The following CNTNAP5 variants were observed in gnomAD, a reference collection of about 807,000 sequenced individuals.
CNTNAP5 encodes the protein contactin associated protein family member 5, also known as contactin-associated protein-like 5.
A neutral mutation model predicts 150.2 loss-of-function variants in CNTNAP5; 72 were observed. That is an observed-to-expected ratio of 0.48 (90% CI 0.40 to 0.58). The LOEUF (loss-of-function observed/expected upper bound fraction) is 0.58. CNTNAP5 is among the 20% of genes least tolerant of loss of function. CNTNAP5 has a pLI of 0.00. For synonymous variants in CNTNAP5, 672 were observed against 619.8 expected, an observed-to-expected ratio of 1.08 and a Z score of -1.25; for missense variants, 1,636 against 1,626.2, an observed-to-expected ratio of 1.01 and a Z score of -0.10.
At chr2:124,613,695 C>G (rs775609404) in intron 12 of CNTNAP5, among the ~76,000 whole-genome samples, 2 of 152,236 alleles carry the variant, frequency 1.3e-5, no homozygotes, top group East Asian at 3.9e-4. Context: ...CAAAGTAGTC[C>G]CTAACCTGTC....
At chr2:124,903,622 A>G (rs1678463224) in intron 22 of CNTNAP5, among the ~76,000 whole-genome samples, 1 of 152,226 alleles carries the variant, frequency 6.6e-6, no homozygotes, top group Admixed American at 6.5e-5. Flanking sequence ...TAATCAACAC[A>G]TCACTGCACA....
At chr2:124,528,348 T>A (rs987578870) in intron 10 of CNTNAP5, among the ~76,000 whole-genome samples, 1 of 152,180 alleles carries the variant, frequency 6.6e-6, no homozygotes. Flanking sequence ...AGTCTGACCC[T>A]GAGAATGAGT....
chr2:124,178,786 C>T (rs1278683292), intron 1 of CNTNAP5, among the ~76,000 whole-genome samples: 1 of 152,046 alleles, frequency 6.6e-6, no homozygotes, highest in Non-Finnish European at 1.5e-5. Context: ...CACATTTATC[C>T]TGCTTGAACT....
At chr2:124,579,084 A>C (rs1696356013) in intron 11 of CNTNAP5, among the ~76,000 whole-genome samples, 1 of 152,186 alleles carries the variant, frequency 6.6e-6, no homozygotes, top group Non-Finnish European at 1.5e-5. Context: ...TTTATGGTAC[A>C]TATGTTGCCT....
In CNTNAP5 at chr2:124,137,785, A is replaced by T. The variant is rs1286592453; in HGVS notation, c.83-83920A>T. Among the ~76,000 whole-genome samples, 66 of 152,078 alleles carry T rather than the reference A, an allele frequency of 4.3e-4. 1 individual carries two copies. Among genetic ancestry groups the T allele is most frequent in the Admixed American group, 4.3e-3 (66 of 15,264 alleles). ...GATACCAAGATGTGAACATGTGGAG[A>T]AGTCGGTGGTCGCTGTGGAGAGATA... On this transcript the variant is annotated intron_variant, in intron 1 of 23. Transcript: ENST00000682447.
intron 4 of CNTNAP5, among the ~76,000 whole-genome samples, chr2:124,420,770 A>G (rs1393554333): frequency 6.6e-6 from 1 of 152,116 alleles, no homozygotes; most frequent in East Asian, 1.9e-4. Flanking sequence ...CCCCTTCTTG[A>G]TGGCCCGCCC....
At chr2:124,875,335 C>A (rs1677832121) in intron 21 of CNTNAP5, among the ~76,000 whole-genome samples, 1 of 152,056 alleles carries the variant, frequency 6.6e-6, no homozygotes, top group African/African-American at 2.4e-5. Flanking sequence ...AACTCTAATT[C>A]CTTTTTGATT....
At chr2:124,843,359 A>G (rs1209917798) in intron 19 of CNTNAP5, among the ~76,000 whole-genome samples, 1 of 151,966 alleles carries the variant, frequency 6.6e-6, no homozygotes, top group Non-Finnish European at 1.5e-5. Flanking sequence ...ATGTGCAAGT[A>G]TCTTTTTCAT....
Position 124,497,077 on chromosome 2 carries a change from T to C in CNTNAP5, c.1063-7215T>C, listed in dbSNP as rs190300658. ...GGTGACAGCCTGGTTGAGAATCCGC[T>C]AGAGACCATGGATCTTGCATGGTCC... is the stretch of plus-strand genomic sequence containing the variant. On this transcript the variant is annotated intron_variant, in intron 7 of 23. Coordinates refer to ENST00000682447, the MANE Select transcript of CNTNAP5 (RefSeq NM_001367498.1). Among the ~76,000 whole-genome samples, 51 of 152,344 alleles carry C rather than the reference T, an allele frequency of 3.3e-4. 1 individual carries two copies. The highest frequency in any genetic ancestry group is 8.5e-4 in the Admixed American group (13 of 15,298).
chr2:124,351,559 A>G, intron 3 of CNTNAP5, among the ~76,000 whole-genome samples: 1 of 152,226 alleles, frequency 6.6e-6, no homozygotes, highest in East Asian at 1.9e-4. Context: ...AATAGTTTTC[A>G]AAACAAGAAG....
chr2:124,339,193 A>G (rs1689548312), intron 3 of CNTNAP5, among the ~76,000 whole-genome samples: 1 of 152,178 alleles, frequency 6.6e-6, no homozygotes, highest in Non-Finnish European at 1.5e-5. Flanking sequence ...TTGCTTAGCT[A>G]GAAAGTTCTA....
In CNTNAP5 at chr2:124,609,912, A is replaced by G. The variant is rs545469961; in HGVS notation, c.1868A>G (p.Asn623Ser). The G allele has an allele frequency of 1.9e-6, 3 of 1,613,748 alleles. No individual in the cohort carries two copies. Among genetic ancestry groups the G allele is most frequent in the East Asian group, 4.5e-5 (2 of 44,858 alleles). The change falls in exon 12 of 24, where the codon AAT (asparagine) becomes AGT (serine). Residue 623 changes from asparagine to serine, a missense_variant. Transcript: ENST00000682447. ...GPLGPLQVYC[N>S]ITEDKIWTSV... ...CTGGGACCTCTCCAGGTGTACTGCAATATCACTGGTAAGGGTGCAGTAGCC... is the reference window on the plus strand; with the variant it reads ...CTGGGACCTCTCCAGGTGTACTGCAGTATCACTGGTAAGGGTGCAGTAGCC...
At chr2:124,113,778 C>T (rs555622482) in intron 1 of CNTNAP5, among the ~76,000 whole-genome samples, 6 of 151,834 alleles carry the variant, frequency 4.0e-5, no homozygotes, top group East Asian at 1.9e-4. Flanking sequence ...CTTTCACATC[C>T]GTATTTATAA....
At chr2:124,583,707 A>G (rs1420767980) in intron 11 of CNTNAP5, among the ~76,000 whole-genome samples, 1 of 152,198 alleles carries the variant, frequency 6.6e-6, no homozygotes, top group African/African-American at 2.4e-5. Context: ...TGTGTTTCAC[A>G]TCCACTACAT....
chr2:124,615,070 A>G (rs1342698914), intron 12 of CNTNAP5, among the ~76,000 whole-genome samples: 2 of 152,212 alleles, frequency 1.3e-5, no homozygotes, highest in Non-Finnish European at 2.9e-5. Flanking sequence ...GCCTTCAGTG[A>G]GTCTTAAGAG....
At chr2:124,773,372 G>GT (rs2104612059) in intron 17 of CNTNAP5, among the ~76,000 whole-genome samples, 1 of 152,262 alleles carries the variant, frequency 6.6e-6, no homozygotes, top group Non-Finnish European at 1.5e-5. Flanking sequence ...GGTGTAGACT[G>GT]TAAGTCATGG....
intron 3 of CNTNAP5, among the ~76,000 whole-genome samples, chr2:124,404,768 G>A (rs1483685710): frequency 1.3e-5 from 2 of 152,108 alleles, no homozygotes; most frequent in East Asian, 3.9e-4. Flanking sequence ...AAGAAGATGG[G>A]AGATTGAGAT....
chr2:124,200,290 T>C (rs955372476), intron 1 of CNTNAP5, among the ~76,000 whole-genome samples: 37 of 152,230 alleles, frequency 2.4e-4, no homozygotes, highest in African/African-American at 8.4e-4. Flanking sequence ...TTTTTCATAT[T>C]GAATATTGCT....
chr2:124,426,054 C>CA (rs975494525), intron 4 of CNTNAP5, among the ~76,000 whole-genome samples: 17 of 150,520 alleles, frequency 1.1e-4, no homozygotes, highest in East Asian at 7.8e-4. Flanking sequence ...CAAAACAAAA[C>CA]AAAAAAAAAC....
Sources: allele counts gnomAD v4.1 joint callset (sites outside exome capture counted in the v4.1 genomes callset), GRCh38; gene constraint gnomAD v4.1.1; transcripts MANE v1.5; gene names NCBI Gene and HGNC (gene_info 2026-07-23, HGNC 2026-07-21).